The following MBTD1 variants were observed in gnomAD, a reference collection of about 807,000 sequenced individuals.
The protein encoded by MBTD1 is MBT domain-containing protein 1.
MBTD1 carries 24 observed loss-of-function variants against 87.8 expected under a neutral mutation model. That is an observed-to-expected ratio of 0.27 (90% confidence interval 0.20 to 0.38). The LOEUF is 0.38. MBTD1 is among the 10% of genes least tolerant of loss of function. The probability of loss-of-function intolerance (pLI) is 1.00; values close to 1 mark genes in which losing one functional copy is unlikely to be tolerated. For synonymous variants in MBTD1, 237 were observed against 248.6 expected, an observed-to-expected ratio of 0.95 and a Z score of 0.44; for missense variants, 436 against 760.2, an observed-to-expected ratio of 0.57 and a Z score of 5.02.
At chr17:51,203,731 TA>T in intron 8 of MBTD1, 59 bp downstream of exon 8, 9 of 1,528,872 alleles carry the variant, frequency 5.9e-6, no homozygotes, top group Non-Finnish European at 8.1e-6. Context: ...TTACTATGTG[TA>T]AAATAGCATT....
chr17:51,249,492 AT>A (rs960530097), intron 2 of MBTD1: 4 of 152,148 alleles, frequency 2.6e-5, no homozygotes, highest in African/African-American at 9.7e-5. Flanking sequence ...GGTTTTTAGC[AT>A]TATAAACTGT....
At chr17:51,238,886 A>G (rs1466533029) in intron 2 of MBTD1, among the ~76,000 whole-genome samples, 2 of 152,262 alleles carry the variant, frequency 1.3e-5, no homozygotes, top group East Asian at 1.9e-4. Flanking sequence ...GATCACTTAA[A>G]GTCAGGAGTT....
intron 2 of MBTD1, among the ~76,000 whole-genome samples, chr17:51,245,796 C>A (rs1319313921): frequency 6.6e-6 from 1 of 151,982 alleles, no homozygotes; most frequent in Non-Finnish European, 1.5e-5. Flanking sequence ...CTAGATACCC[C>A]CTCAAAAATC....
chr17:51,234,400 C>CAAA (rs71149356), intron 2 of MBTD1, among the ~76,000 whole-genome samples: 3,052 of 68,412 alleles, frequency 0.045, 123 homozygotes, highest in African/African-American at 0.15. Context: ...TCCCCGTCTC[C>CAAA]AAAAAAAAAA....
At chr17:51,254,792 T>C (rs2054988211) in intron 2 of MBTD1, among the ~76,000 whole-genome samples, 1 of 152,202 alleles carries the variant, frequency 6.6e-6, no homozygotes, top group South Asian at 2.1e-4. Flanking sequence ...CTATGAATCC[T>C]TAAGTACAAA....
chr17:51,207,413 A>C (rs2051910988), intron 6 of MBTD1, among the ~76,000 whole-genome samples: 1 of 152,206 alleles, frequency 6.6e-6, no homozygotes, highest in Non-Finnish European at 1.5e-5. Flanking sequence ...AAACAATTCC[A>C]ATCAGCAGTG....
chr17:51,255,723 G>A (rs1250535491), intron 2 of MBTD1, among the ~76,000 whole-genome samples: 3 of 150,498 alleles, frequency 2.0e-5, no homozygotes, highest in African/African-American at 2.4e-5. Context: ...CTCTGCCCCC[G>A]AGTAGCTGGG....
chr17:51,214,094 C>T (rs1353415668), intron 6 of MBTD1, among the ~76,000 whole-genome samples: 2 of 150,662 alleles, frequency 1.3e-5, no homozygotes, highest in Non-Finnish European at 2.9e-5. Context: ...TATATACATA[C>T]ACACATATGT....
At chr17:51,197,547 A>G (rs2051207558) in intron 12 of MBTD1, among the ~76,000 whole-genome samples, 1 of 147,120 alleles carries the variant, frequency 6.8e-6, no homozygotes, top group South Asian at 2.2e-4. Context: ...AGACAAGGTC[A>G]CCCAGGCTGG....
chr17:51,258,681 TAAAC>T (rs1406490395), intron 2 of MBTD1, among the ~76,000 whole-genome samples: 5 of 152,184 alleles, frequency 3.3e-5, no homozygotes, highest in South Asian at 2.1e-4. Context: ...ATTTAGGTAA[TAAAC>T]AAATGTGTTT....
rs2050160015 is a variant in MBTD1, at chr17:51,177,904, A to G, written c.*2672T>C. The stretch of plus-strand genomic sequence containing the variant: ...ATCATTACCAATATATAGCACCATA[A>G]TACAAATATTGATGGGAGAGGGTAT... On this transcript the variant is annotated 3_prime_UTR_variant, in exon 17 of 17. Transcript: ENST00000586178. 2 of 152,184 alleles carry G rather than the reference A, an allele frequency of 1.3e-5. No homozygotes were observed. The highest frequency in any genetic ancestry group is 2.4e-5 in the African/African-American group (1 of 41,444). The allele number at this position is 152,184 out of a possible 1,614,324, so 9.4% of individuals were successfully genotyped here.
chr17:51,255,635 G>A (rs979187724), intron 2 of MBTD1, among the ~76,000 whole-genome samples: 34 of 138,768 alleles, frequency 2.5e-4, no homozygotes, highest in South Asian at 2.0e-3. Context: ...TCACTCTGTC[G>A]CCCAGGCTGG....
At chr17:51,194,101 A>G (rs1306001906) in intron 13 of MBTD1, among the ~76,000 whole-genome samples, 1 of 152,186 alleles carries the variant, frequency 6.6e-6, no homozygotes, top group African/African-American at 2.4e-5. Flanking sequence ...AGCACCTAAT[A>G]CTATGGACTG....
intron 2 of MBTD1, among the ~76,000 whole-genome samples, chr17:51,244,212 C>T (rs758262962): frequency 3.9e-5 from 6 of 152,184 alleles, no homozygotes; most frequent in Non-Finnish European, 8.8e-5. Flanking sequence ...GGCTGCAAAA[C>T]GATTTCCCAA....
In MBTD1 at chr17:51,182,217, C is replaced by T. The variant is rs920705762; in HGVS notation, c.1769-1523G>A. On this transcript the variant is annotated intron_variant, in intron 16 of 16. Coordinates refer to ENST00000586178, the MANE Select transcript of MBTD1 (RefSeq NM_017643.3). ...TCAACTTACTGCAACTTCTGCCTCCCGGGTTCAAGTGATTCTCATGCCTCA... is the reference window on the plus strand; with the variant it reads ...TCAACTTACTGCAACTTCTGCCTCCTGGGTTCAAGTGATTCTCATGCCTCA... Among the ~76,000 whole-genome samples, 3 of 151,394 alleles carry T rather than the reference C, an allele frequency of 2.0e-5. No individual in the cohort carries two copies. In the South Asian group the frequency reaches 6.3e-4, roughly 32 times the overall value.
chr17:51,250,984 TTTAA>T (rs1453406409), intron 2 of MBTD1: 1 of 152,236 alleles, frequency 6.6e-6, no homozygotes, highest in Non-Finnish European at 1.5e-5. Flanking sequence ...TATTTTTCTG[TTTAA>T]TCTACTTTGT....
intron 2 of MBTD1, chr17:51,249,506 T>C (rs2054649225): frequency 6.6e-6 from 1 of 152,210 alleles, no homozygotes; most frequent in Non-Finnish European, 1.5e-5. Flanking sequence ...TAAACTGTTC[T>C]CTTTTGTCTG....
At chr17:51,256,445 A>G (rs1406804896) in intron 2 of MBTD1, 1 of 152,186 alleles carries the variant, frequency 6.6e-6, no homozygotes, top group Non-Finnish European at 1.5e-5. Flanking sequence ...TTCCCTAACC[A>G]ACCTGATAAA....
intron 2 of MBTD1, among the ~76,000 whole-genome samples, chr17:51,232,835 C>T (rs948728731): frequency 4.6e-5 from 7 of 151,372 alleles, no homozygotes; most frequent in Admixed American, 2.6e-4. Context: ...GCCAGGAGTT[C>T]GAGACCAGCC....
Sources: allele counts gnomAD v4.1 joint callset (sites outside exome capture counted in the v4.1 genomes callset), GRCh38; gene constraint gnomAD v4.1.1; transcripts MANE v1.5; gene names NCBI Gene and HGNC (gene_info 2026-07-23, HGNC 2026-07-21).